PXMP2: variants seen among roughly 807,000 people sequenced by gnomAD.
The protein encoded by PXMP2 is peroxisomal membrane protein 2.
A neutral mutation model predicts 20.2 loss-of-function variants in PXMP2; 13 were observed. The ratio of observed to expected loss-of-function variants is 0.64; its 90% CI spans 0.42 to 1.02. The LOEUF is 1.02. Among genes scored for constraint, PXMP2 ranks in the 50% least tolerant of loss-of-function variants. PXMP2 has a pLI of 0.00. For synonymous variants in PXMP2, 113 were observed against 111.2 expected (o/e 1.02, Z -0.10); for missense variants, 284 against 251.8 (o/e 1.13, Z -0.87).
chr12:132,693,954 TAGTTAGTGAGCTCCCTTAGCC>T lies in PXMP2; in HGVS notation c.237-1912_237-1892del, dbSNP rs1390574002. ...TTAGTTAGTGAGCGCCCTTGCCAGTTAGTTAGTGAGCTCCCTTAGCCAGTTAGTGAGCTCCCTTGCCAGTTA... is the reference window on the plus strand; with the variant it reads ...TTAGTTAGTGAGCGCCCTTGCCAGTTAGTTAGTGAGCTCCCTTGCCAGTTA... On this transcript the variant is annotated intron_variant, in intron 2 of 4. Transcript: ENST00000317479. Among the ~76,000 whole-genome samples, 6 of 103,602 alleles carry T rather than the reference TAGTTAGTGAGCTCCCTTAGCC, an allele frequency of 5.8e-5. No homozygotes were observed. In the South Asian group the frequency reaches 2.1e-3, roughly 37 times the overall value. 68.0% of individuals were successfully genotyped at this position (103,602 alleles called of 152,430 possible). A position where few individuals can be genotyped will look rare whatever the true frequency, so the allele number is the denominator to read the frequency against.
At chr12:132,699,867 C>T (rs2043429192) in intron 3 of PXMP2, among the ~76,000 whole-genome samples, 1 of 152,014 alleles carries the variant, frequency 6.6e-6, no homozygotes, top group South Asian at 2.1e-4. Context: ...ATTCCTTTTC[C>T]TTTGGGTAGA....
chr12:132,700,931 C>T (rs189839196), intron 3 of PXMP2, among the ~76,000 whole-genome samples: 118 of 151,102 alleles, frequency 7.8e-4, no homozygotes, highest in Non-Finnish European at 1.3e-3. Flanking sequence ...GAATTGACAG[C>T]GTAGCTCTGA....
intron 1 of PXMP2, 169 bp downstream of exon 1, chr12:132,687,961 G>A: frequency 4.9e-6 from 3 of 611,450 alleles, no homozygotes; most frequent in East Asian, 7.6e-5. Flanking sequence ...GGCGACACCC[G>A]CGTCCGCAGT....
intron 4 of PXMP2, among the ~76,000 whole-genome samples, chr12:132,702,028 TG>T (rs2043445735): frequency 6.6e-6 from 1 of 152,236 alleles, no homozygotes; most frequent in Admixed American, 6.5e-5. Context: ...AGACGGAGGT[TG>T]GAGTGAGCTG....
chr12:132,688,100 G>A, intron 1 of PXMP2: 1 of 203,610 alleles, frequency 4.9e-6, no homozygotes, highest in South Asian at 7.2e-5. Context: ...GGAAGCCACG[G>A]CAAGGGGAGC....
chr12:132,690,698 G>A (rs567597756), intron 2 of PXMP2, among the ~76,000 whole-genome samples: 5 of 151,886 alleles, frequency 3.3e-5, no homozygotes, highest in Non-Finnish European at 5.9e-5. Flanking sequence ...GGCACACACC[G>A]CCATGCCCAG....
chr12:132,701,237 C>T lies in PXMP2; in HGVS notation c.400-13C>T. On this transcript the variant is annotated splice_polypyrimidine_tract_variant and intron_variant, in intron 3 of 4. Transcript: ENST00000317479. The stretch of plus-strand genomic sequence containing the variant: ...AGTGAGACTGTTCACCACCCGCCTT[C>T]CCTCCTTTGCAGGGGAAAGACGCCT... 6.2e-7 allele frequency: 1 copy of T among 1,613,708 alleles called. No homozygotes were observed. The highest frequency in any genetic ancestry group is 1.1e-5 in the South Asian group (1 of 91,060).
Position 132,704,963 on chromosome 12 carries a change from A to G in PXMP2, c.*276A>G, listed in dbSNP as rs1279032618. ...CTGTGGACCGAATTAGGATCACAATAAACGATAATGCAGGTTCTTCAATGG... is the reference window on the plus strand; with the variant it reads ...CTGTGGACCGAATTAGGATCACAATGAACGATAATGCAGGTTCTTCAATGG... On this transcript the variant is annotated 3_prime_UTR_variant, in exon 5 of 5. Coordinates refer to ENST00000317479, the MANE Select transcript of PXMP2 (RefSeq NM_018663.3). 3.8e-6 allele frequency: 2 copies of G among 531,188 alleles called. No homozygotes were observed. The highest frequency in any genetic ancestry group is 6.7e-6 in the Non-Finnish European group (2 of 299,324). The allele number at this position is 531,188 out of a possible 1,614,324, so 32.9% of individuals were successfully genotyped here. A position where few individuals can be genotyped will look rare whatever the true frequency, so the allele number is the denominator to read the frequency against.
chr12:132,698,306 G>C (rs1480416768), intron 3 of PXMP2, among the ~76,000 whole-genome samples: 1 of 152,096 alleles, frequency 6.6e-6, no homozygotes, highest in East Asian at 1.9e-4. Context: ...CACTGCACCT[G>C]GCGTCACCTT....
chr12:132,697,620 C>T (rs1329300175), intron 3 of PXMP2, among the ~76,000 whole-genome samples: 1 of 151,968 alleles, frequency 6.6e-6, no homozygotes, highest in Non-Finnish European at 1.5e-5. Flanking sequence ...GTTGGCCAGG[C>T]TTGTCTTGAA....
At chr12:132,689,489 G>C (rs1311434245) in intron 1 of PXMP2, among the ~76,000 whole-genome samples, 1 of 152,162 alleles carries the variant, frequency 6.6e-6, no homozygotes. Context: ...ACTCAGTCCC[G>C]AGGGAGGGAA....
chr12:132,687,772 G>T lies in PXMP2; in HGVS notation c.102G>T (p.Val34=). The change falls in exon 1 of 5, where the codon GTG becomes GTT. Residue 34 remains valine, a synonymous_variant. Coordinates refer to ENST00000317479, the MANE Select transcript of PXMP2 (RefSeq NM_018663.3). ...TGCTCTTCCTGCGGCTCTACCCGGT[G>T]CTCACCAAGGCGGCCACCAGGTGAG... is the stretch of plus-strand genomic sequence containing the variant. ...QYLLFLRLYP[V]LTKAATSGIL... is the part of the protein sequence containing the mutation. 2 of 1,178,870 alleles carry T rather than the reference G, an allele frequency of 1.7e-6. No individual in the cohort carries two copies. The highest frequency in any genetic ancestry group is 8.2e-5 in the East Asian group (2 of 24,456). 73.0% of individuals were successfully genotyped at this position (1,178,870 alleles called of 1,614,324 possible).
At chr12:132,694,511 TAA>T (rs1301808779) in intron 2 of PXMP2, among the ~76,000 whole-genome samples, 2 of 59,360 alleles carry the variant, frequency 3.4e-5, no homozygotes, top group Admixed American at 3.2e-4. Flanking sequence ...GCCAGTTAGT[TAA>T]GTGAGCGCCC....
At chr12:132,693,189 G>C (rs1368771146) in intron 2 of PXMP2, among the ~76,000 whole-genome samples, 12 of 42,854 alleles carry the variant, frequency 2.8e-4, no homozygotes, top group African/African-American at 9.1e-4. Flanking sequence ...CAGTTAGTTA[G>C]TGAGCTCCCT....
rs755362905 is a variant in PXMP2 at position 132,703,555 on chromosome 12, A to G, written c.520-1064A>G. Among the ~76,000 whole-genome samples, 71 of 152,260 alleles carry G rather than the reference A, an allele frequency of 4.7e-4. 1 individual carries two copies. The highest frequency in any genetic ancestry group is 7.6e-4 in the Non-Finnish European group (52 of 68,012). Reference sequence around the variant, plus strand: ...AGAAAGTGACAGCTGAGCGGACAGGAGAGTGGGACATCCTGCCTCAAGCCC... The same window carrying G: ...AGAAAGTGACAGCTGAGCGGACAGGGGAGTGGGACATCCTGCCTCAAGCCC... On this transcript the variant is annotated intron_variant, in intron 4 of 4. Coordinates refer to ENST00000317479, the MANE Select transcript of PXMP2 (RefSeq NM_018663.3).
chr12:132,696,193 A>C lies in PXMP2; in HGVS notation c.399+147A>C. 1 of 880,988 alleles carries C rather than the reference A, an allele frequency of 1.1e-6. No homozygotes were observed. The allele number at this position is 880,988 out of a possible 1,614,324, so 54.6% of individuals were successfully genotyped here. A position where few individuals can be genotyped will look rare whatever the true frequency, so the allele number is the denominator to read the frequency against. ...TCTTTTATGAATATAGGAAGCAAAC[A>C]TCTAGTATTGGCAGGACCTGTTTGT... On this transcript the variant is annotated intron_variant, in intron 3 of 4. Coordinates refer to ENST00000317479, the MANE Select transcript of PXMP2 (RefSeq NM_018663.3). The surrounding 1 kb of genome is among the most constrained non-coding windows in gnomAD (Gnocchi z 4.4).
In PXMP2 at chr12:132,687,781, G is replaced by A; in HGVS notation, c.111G>A (p.Lys37=). 2 of 1,172,544 alleles carry A rather than the reference G, an allele frequency of 1.7e-6. No individual in the cohort carries two copies. Among genetic ancestry groups the A allele is most frequent in the Non-Finnish European group, 2.1e-6 (2 of 950,738 alleles). The allele number at this position is 1,172,544 out of a possible 1,614,324, so 72.6% of individuals were successfully genotyped here. A position where few individuals can be genotyped will look rare whatever the true frequency, so the allele number is the denominator to read the frequency against. The change falls in exon 1 of 5, where the codon AAG becomes AAA. Residue 37 remains lysine (K), a synonymous_variant. Coordinates refer to ENST00000317479, the MANE Select transcript of PXMP2 (RefSeq NM_018663.3). ...TGCGGCTCTACCCGGTGCTCACCAAGGCGGCCACCAGGTGAGCGGGGGCGC... is the reference window on the plus strand; with the variant it reads ...TGCGGCTCTACCCGGTGCTCACCAAAGCGGCCACCAGGTGAGCGGGGGCGC... The part of the protein sequence containing the change: ...LFLRLYPVLT[K]AATSGILSAL...
chr12:132,687,605 C>T lies in PXMP2; in HGVS notation c.-66C>T, dbSNP rs2043310484. 2 of 1,164,820 alleles carry T rather than the reference C, an allele frequency of 1.7e-6. No individual in the cohort carries two copies. Among genetic ancestry groups the T allele is most frequent in the African/African-American group, 1.6e-5 (1 of 62,320 alleles). The allele number at this position is 1,164,820 out of a possible 1,614,324, so 72.2% of individuals were successfully genotyped here. A position where few individuals can be genotyped will look rare whatever the true frequency, so the allele number is the denominator to read the frequency against. ...GGTCCCCACTCCGCTCTCGGCGCCT[C>T]GGGCTCCGCGCCCGGCCAGCCTGAG... On this transcript the variant is annotated 5_prime_UTR_variant, in exon 1 of 5. Transcript: ENST00000317479.
At chr12:132,694,633 G>A (rs2043398418) in intron 2 of PXMP2, among the ~76,000 whole-genome samples, 1 of 122,434 alleles carries the variant, frequency 8.2e-6, no homozygotes, top group African/African-American at 3.3e-5. Context: ...TAGTTAGAGA[G>A]CTCCCTTGCC....
Sources: allele counts gnomAD v4.1 joint callset (sites outside exome capture counted in the v4.1 genomes callset), GRCh38; gene constraint gnomAD v4.1.1; non-coding constraint Gnocchi (gnomAD v3.1); transcripts MANE v1.5; gene names NCBI Gene and HGNC (gene_info 2026-07-23, HGNC 2026-07-21).